The following SCAF4 variants were observed in gnomAD, a reference collection of about 807,000 sequenced individuals.
SCAF4 encodes SR-related and CTD-associated factor 4.
Under a neutral mutation model 129.8 loss-of-function variants are expected in SCAF4, and 25 were observed. The ratio of observed to expected loss-of-function variants is 0.19; its 90% CI spans 0.14 to 0.27. SCAF4 has a LOEUF of 0.27. Among genes scored for constraint, SCAF4 ranks in the 10% least tolerant of loss-of-function variants. SCAF4 has a pLI of 1.00. For synonymous variants in SCAF4, 551 were observed against 497.7 expected (o/e 1.11, Z -1.43); for missense variants, 1,246 against 1,457.1 (o/e 0.86, Z 2.36).
rs772823824 is a variant in SCAF4 at position 31,671,653 on chromosome 21, T to C, written c.3190A>G (p.Arg1064Gly). The C allele has an allele frequency of 5.0e-6, 8 of 1,614,060 alleles. No individual in the cohort carries two copies. In the Admixed American group the frequency reaches 1.3e-4, roughly 27 times the overall value. ...TTCTCTCTACGAGACTCTCTATCTCTAGAATCTCTCTCTCTGTCTCGATGC... is the reference window on the plus strand; with the variant it reads ...TTCTCTCTACGAGACTCTCTATCTCCAGAATCTCTCTCTCTGTCTCGATGC... Reference protein sequence around the residue: ...SGHRDRERDSRDRESRREKEE... With the variant: ...SGHRDRERDSGDRESRREKEE... Residue 1064 changes from arginine (R) to glycine (G), a missense_variant, in exon 20 of 20, where the codon AGA becomes GGA. Coordinates refer to ENST00000286835, the MANE Select transcript of SCAF4 (RefSeq NM_020706.2).
intron 4 of SCAF4, 65 bp from the exon 5 acceptor site, chr21:31,702,444 C>G (rs2050556705): frequency 1.4e-6 from 2 of 1,390,866 alleles, no homozygotes; most frequent in Non-Finnish European, 9.8e-7. Context: ...TATACTCTTA[C>G]AAAAAAAAGA....
intron 6 of SCAF4, 34 bp downstream of exon 6, chr21:31,701,742 T>A (rs751792699): frequency 6.3e-7 from 1 of 1,585,626 alleles, no homozygotes; most frequent in African/African-American, 1.4e-5. Flanking sequence ...TACCTAGTCC[T>A]GCAAACAATT....
chr21:31,688,567 A>C (rs2050185183), intron 15 of SCAF4, 103 bp from the exon 16 acceptor site: 1 of 905,988 alleles, frequency 1.1e-6, no homozygotes, highest in Non-Finnish European at 1.7e-6. Flanking sequence ...CCCAGTTATT[A>C]AAGAAATTCC....
intron 1 of SCAF4, among the ~76,000 whole-genome samples, chr21:31,724,191 G>T (rs539958929): frequency 6.6e-6 from 1 of 152,132 alleles, no homozygotes; most frequent in East Asian, 2.0e-4. Flanking sequence ...AAAATCTCTT[G>T]TAGTTCTCAA....
chr21:31,694,155 A>G (rs773021255), intron 11 of SCAF4, 49 bp downstream of exon 11: 5 of 966,492 alleles, frequency 5.2e-6, no homozygotes, highest in Non-Finnish European at 8.1e-6. Flanking sequence ...TTTAATTTCT[A>G]TGTCCCCTAA....
intron 1 of SCAF4, among the ~76,000 whole-genome samples, chr21:31,710,738 T>C (rs1322686941): frequency 6.6e-6 from 1 of 152,304 alleles, no homozygotes; most frequent in East Asian, 1.9e-4. Context: ...CAAATCTTGT[T>C]TATTTAGTTT....
chr21:31,731,637 A>AC, intron 1 of SCAF4, 26 bp downstream of exon 1: 1 of 1,585,922 alleles, frequency 6.3e-7, no homozygotes, highest in Non-Finnish European at 8.5e-7. Context: ...CAGGCCCGGC[A>AC]CCCCCCTGCC....
rs965239317 is a variant in SCAF4 at position 31,730,873 on chromosome 21, G to A, written c.30+790C>T. Among the ~76,000 whole-genome samples, 3 of 152,332 alleles carry A rather than the reference G, an allele frequency of 2.0e-5. No individual in the cohort carries two copies. The South Asian group carries it at 6.2e-4, about 32-fold the overall frequency. On this transcript the variant is annotated intron_variant, in intron 1 of 19. Transcript: ENST00000286835. ...TTCACATGTAAATGTCCTCGTAGAA[G>A]GGAGCCGAGGATTAACTACCTCGGG...
intron 1 of SCAF4, among the ~76,000 whole-genome samples, chr21:31,708,022 A>C (rs936679173): frequency 2.0e-5 from 3 of 152,244 alleles, no homozygotes; most frequent in Non-Finnish European, 4.4e-5. Context: ...TCATTGTATT[A>C]CTTCATTTAC....
rs1191116969 is a variant in SCAF4, at chr21:31,671,080, G to C, written c.*319C>G. 1 of 234,964 alleles carries C rather than the reference G, an allele frequency of 4.3e-6. No homozygotes were observed. The highest frequency in any genetic ancestry group is 8.1e-6 in the Non-Finnish European group (1 of 123,866). 14.6% of individuals were successfully genotyped at this position (234,964 alleles called of 1,614,324 possible). On this transcript the variant is annotated 3_prime_UTR_variant, in exon 20 of 20. Transcript: ENST00000286835. The stretch of plus-strand genomic sequence containing the variant: ...TTAAAAACATCCCTATTGTTTTGAG[G>C]AGCTTTCACCGTTACCTTGTCTTAA...
In SCAF4 at chr21:31,701,850, CTGGGACGGAGTT is replaced by C. The variant is rs2050540364; in HGVS notation, c.514_525del (p.Asn172_Pro175del). The C allele has an allele frequency of 6.2e-7, 1 of 1,613,902 alleles. No homozygotes were observed. The highest frequency in any genetic ancestry group is 8.5e-7 in the Non-Finnish European group (1 of 1,179,996). On this transcript the variant is annotated inframe_deletion, in exon 6 of 20. Coordinates refer to ENST00000286835, the MANE Select transcript of SCAF4 (RefSeq NM_020706.2). The stretch of plus-strand genomic sequence containing the variant: ...TCAGAGCTGGGCAACTGTGGTACAG[CTGGGACGGAGTT>C]TGGAGTGGCTTGTGTGGGAGGTTCA...
intron 1 of SCAF4, among the ~76,000 whole-genome samples, chr21:31,724,616 G>A (rs1601281866): frequency 6.6e-6 from 1 of 152,098 alleles, no homozygotes. Flanking sequence ...AGTGTGCGCA[G>A]ATATGTACAA....
chr21:31,710,161 A>G (rs2050765894), intron 1 of SCAF4, among the ~76,000 whole-genome samples: 1 of 152,164 alleles, frequency 6.6e-6, no homozygotes, highest in Non-Finnish European at 1.5e-5. Flanking sequence ...AGAAATATGG[A>G]TCTTGAATGT....
intron 5 of SCAF4, 67 bp from the exon 6 acceptor site, chr21:31,701,985 C>A: frequency 6.4e-7 from 1 of 1,555,860 alleles, no homozygotes; most frequent in Non-Finnish European, 8.7e-7. Context: ...AATTAAGCTT[C>A]TTTGCTAAAA....
At chr21:31,730,154 C>T (rs191944434) in intron 1 of SCAF4, among the ~76,000 whole-genome samples, 3 of 152,250 alleles carry the variant, frequency 2.0e-5, no homozygotes, top group Admixed American at 2.0e-4. Flanking sequence ...GGTAGAGAAG[C>T]GGGGAAAAGA....
intron 16 of SCAF4, among the ~76,000 whole-genome samples, 192 bp from the exon 17 acceptor site, chr21:31,685,925 G>T (rs555403878): frequency 6.6e-6 from 1 of 152,234 alleles, no homozygotes; most frequent in Middle Eastern, 3.4e-3. Context: ...GCTGTGGGCC[G>T]GGTGTGGTGG....
intron 19 of SCAF4, 119 bp downstream of exon 19, chr21:31,684,930 T>C (rs2050078363): frequency 1.7e-6 from 1 of 595,430 alleles, no homozygotes. Context: ...AAAGCCAGTC[T>C]TGGAAATAAT....
At chr21:31,698,132 T>C (rs546479139) in intron 7 of SCAF4, among the ~76,000 whole-genome samples, 9 of 152,144 alleles carry the variant, frequency 5.9e-5, no homozygotes, top group African/African-American at 9.7e-5. Flanking sequence ...TCTTTAAAGT[T>C]TGAAGAATAC....
At chr21:31,675,346 T>C (rs904033645) in intron 19 of SCAF4, among the ~76,000 whole-genome samples, 2 of 152,130 alleles carry the variant, frequency 1.3e-5, no homozygotes, top group African/African-American at 4.8e-5. Flanking sequence ...AAGTAGTGTA[T>C]AGGATAGCTA....
Sources: allele counts gnomAD v4.1 joint callset (sites outside exome capture counted in the v4.1 genomes callset), GRCh38; gene constraint gnomAD v4.1.1; transcripts MANE v1.5; gene names NCBI Gene and HGNC (gene_info 2026-07-23, HGNC 2026-07-21).